Variants in DOCK2 observed in about 807,000 individuals in gnomAD.
DOCK2 encodes dedicator of cytokinesis protein 2.
A neutral mutation model predicts 248.9 loss-of-function variants in DOCK2; 87 were observed. The ratio of observed to expected loss-of-function variants is 0.35; its 90% CI spans 0.29 to 0.42. The LOEUF (loss-of-function observed/expected upper bound fraction) is 0.42, where lower values mean the gene tolerates loss of function less well. Ranked by LOEUF, DOCK2 falls within the 10% of genes least tolerant of loss-of-function variation. DOCK2 has a pLI of 1.00. For synonymous variants in DOCK2, 805 were observed against 821.6 expected, an observed-to-expected ratio of 0.98 and a Z score of 0.35; for missense variants, 1,747 against 2,300.2, an observed-to-expected ratio of 0.76 and a Z score of 4.92.
rs191749437 is a variant in DOCK2 at position 169,917,066 on chromosome 5, A to T, written c.2800-66002A>T. On this transcript the variant is annotated intron_variant, in intron 27 of 51. Transcript: ENST00000520908. ...CACCTATATGCCTCTCTTACTACTC[A>T]CAGCTTAAAGTCAGTGGAGTTGACG... Among the ~76,000 whole-genome samples the T allele has an allele frequency of 3.9e-4, 60 of 152,336 alleles. No homozygotes were observed. The East Asian group carries it at 7.3e-3, about 19-fold the overall frequency.
intron 27 of DOCK2, among the ~76,000 whole-genome samples, chr5:169,977,561 G>C (rs183781559): frequency 1.1e-4 from 16 of 152,296 alleles, no homozygotes; most frequent in Admixed American, 2.6e-4. Context: ...ACAAGACCCT[G>C]CTCGAGGTCA....
intron 27 of DOCK2, among the ~76,000 whole-genome samples, chr5:169,850,307 A>C (rs1212530366): frequency 6.6e-6 from 1 of 152,206 alleles, no homozygotes; most frequent in Non-Finnish European, 1.5e-5. Context: ...CCTGGGAAGG[A>C]GGAAGCTAGG....
chr5:169,944,936 C>A (rs1297546446), intron 27 of DOCK2, among the ~76,000 whole-genome samples: 1 of 152,208 alleles, frequency 6.6e-6, no homozygotes, highest in South Asian at 2.1e-4. Flanking sequence ...GTTCTAACTT[C>A]TTTCTCCCTT....
intron 27 of DOCK2, among the ~76,000 whole-genome samples, chr5:169,967,830 A>G (rs780502921): frequency 6.6e-6 from 1 of 152,048 alleles, no homozygotes; most frequent in Non-Finnish European, 1.5e-5. Flanking sequence ...CTTTTCTTTC[A>G]AGAAAAATTT....
intron 36 of DOCK2, among the ~76,000 whole-genome samples, chr5:170,039,689 C>T (rs565399457): frequency 6.6e-6 from 1 of 152,360 alleles, no homozygotes; most frequent in South Asian, 2.1e-4. Flanking sequence ...ACATTCACTT[C>T]TCCTTTGGTG....
At chr5:169,788,481 G>T (rs1049644941) in intron 25 of DOCK2, among the ~76,000 whole-genome samples, 14 of 152,172 alleles carry the variant, frequency 9.2e-5, no homozygotes, top group African/African-American at 3.4e-4. Context: ...ACTCAGTGTA[G>T]AACATTAACA....
chr5:169,820,514 G>A (rs572332516), intron 26 of DOCK2, among the ~76,000 whole-genome samples: 33 of 152,322 alleles, frequency 2.2e-4, no homozygotes, highest in Admixed American at 1.8e-3. Flanking sequence ...AAACAGGTCT[G>A]GAGTGGACCT....
chr5:169,704,815 G>T (rs1761170946), intron 14 of DOCK2, among the ~76,000 whole-genome samples: 1 of 148,384 alleles, frequency 6.7e-6, no homozygotes. Flanking sequence ...GTATGTGTAT[G>T]CACACACTAT....
chr5:169,857,829 T>G (rs1770981454), intron 27 of DOCK2, among the ~76,000 whole-genome samples: 1 of 152,122 alleles, frequency 6.6e-6, no homozygotes, highest in African/African-American at 2.4e-5. Context: ...TCAATCATTT[T>G]GGGAATATAC....
chr5:169,743,033 T>C (rs1178788147), intron 22 of DOCK2, among the ~76,000 whole-genome samples: 1 of 152,212 alleles, frequency 6.6e-6, no homozygotes, highest in Non-Finnish European at 1.5e-5. Context: ...GTTTACATCC[T>C]GAAGCTGTAA....
chr5:169,648,522 G>C (rs1272307252), intron 1 of DOCK2, among the ~76,000 whole-genome samples: 3 of 152,188 alleles, frequency 2.0e-5, no homozygotes, highest in Admixed American at 6.5e-5. Context: ...CTGGCACAGT[G>C]CTGGGACCAA....
At chr5:169,821,309 C>T (rs914636908) in intron 26 of DOCK2, among the ~76,000 whole-genome samples, 7 of 152,062 alleles carry the variant, frequency 4.6e-5, no homozygotes, top group African/African-American at 1.7e-4. Context: ...CTCCAAGACA[C>T]ATAATTGTCA....
At chr5:169,797,613 G>A (rs765401505) in intron 25 of DOCK2, among the ~76,000 whole-genome samples, 15 of 152,106 alleles carry the variant, frequency 9.9e-5, no homozygotes, top group Non-Finnish European at 2.2e-4. Context: ...GAGTAGTTCT[G>A]CAGATTCCCC....
intron 45 of DOCK2, 95 bp from the exon 46 acceptor site, chr5:170,069,042 C>A: frequency 1.8e-6 from 2 of 1,081,240 alleles, no homozygotes; most frequent in Non-Finnish European, 1.4e-6. Flanking sequence ...CTCATCCTTG[C>A]CCCTTTCAAA....
chr5:169,735,278 C>A (rs997239774), intron 22 of DOCK2, among the ~76,000 whole-genome samples: 1 of 152,180 alleles, frequency 6.6e-6, no homozygotes, highest in African/African-American at 2.4e-5. Context: ...CCTGACTTCC[C>A]TAGGTGAAAG....
chr5:169,654,341 A>G, intron 1 of DOCK2, 62 bp from the exon 2 acceptor site: 1 of 1,583,182 alleles, frequency 6.3e-7, no homozygotes, highest in Non-Finnish European at 8.7e-7. Flanking sequence ...GGAAAGCAGG[A>G]AGGAGCAGAG....
chr5:169,934,804 T>C (rs1775913523), intron 27 of DOCK2: 5 of 442,278 alleles, frequency 1.1e-5, no homozygotes, highest in South Asian at 8.0e-5. Flanking sequence ...CATTATTATC[T>C]GTATGATAAA....
intron 27 of DOCK2, among the ~76,000 whole-genome samples, chr5:169,860,736 C>G (rs1371234607): frequency 6.6e-6 from 1 of 152,166 alleles, no homozygotes; most frequent in South Asian, 2.1e-4. Context: ...TTTCAATTCT[C>G]TCTCAAACAT....
chr5:169,891,305 G>C (rs1186548861), intron 27 of DOCK2, among the ~76,000 whole-genome samples: 1 of 152,132 alleles, frequency 6.6e-6, no homozygotes, highest in African/African-American at 2.4e-5. Flanking sequence ...TAGCTTATTT[G>C]TGTATTATCT....
Sources: allele counts gnomAD v4.1 joint callset (sites outside exome capture counted in the v4.1 genomes callset), GRCh38; gene constraint gnomAD v4.1.1; transcripts MANE v1.5; gene names NCBI Gene and HGNC (gene_info 2026-07-23, HGNC 2026-07-21).